The following CEACAM19 variants were observed in gnomAD, a reference collection of about 807,000 sequenced individuals.
CEACAM19 encodes CEA cell adhesion molecule 19.
In CEACAM19, 37 loss-of-function variants were observed where a neutral mutation model predicts 37.6. The observed-to-expected ratio is 0.98, with a 90% confidence interval of 0.76 to 1.29. The LOEUF (loss-of-function observed/expected upper bound fraction) is 1.29. Among genes scored for constraint, CEACAM19 ranks in the 50% most tolerant of loss-of-function variants. CEACAM19 has a pLI of 0.00. For missense variants in CEACAM19, 340 were observed against 375.6 expected (o/e 0.91, Z 0.78); for synonymous variants, 140 against 149.8 (o/e 0.93, Z 0.48).
intron 5 of CEACAM19, 114 bp from the exon 6 acceptor site, chr19:44,681,113 G>T: frequency 1.3e-6 from 1 of 743,172 alleles, no homozygotes; most frequent in Admixed American, 2.2e-5. Flanking sequence ...TTGGCTAGAA[G>T]AAGCGTTTGC....
chr19:44,680,238 C>G lies in CEACAM19; in HGVS notation c.660-50C>G, dbSNP rs113730599. The G allele has an allele frequency of 1.1e-3, 1,678 of 1,492,486 alleles. 1 individual carries two copies. The highest frequency in any genetic ancestry group is 1.4e-3 in the Non-Finnish European group (1,526 of 1,077,042). The allele number at this position is 1,492,486 out of a possible 1,614,324, so 92.5% of individuals were successfully genotyped here. ...AGCTTCTCTTAAGTCTCTCTCCCCCCGCCTGAGTGTCTCTCTATCCTAATA... is the reference window on the plus strand; with the variant it reads ...AGCTTCTCTTAAGTCTCTCTCCCCCGGCCTGAGTGTCTCTCTATCCTAATA... On this transcript the variant is annotated intron_variant, in intron 4 of 7. Transcript: ENST00000358777.
intron 2 of CEACAM19, among the ~76,000 whole-genome samples, chr19:44,674,268 G>A (rs1973907393): frequency 6.6e-6 from 1 of 150,998 alleles, no homozygotes; most frequent in East Asian, 1.9e-4. Flanking sequence ...GCTTGTGGGA[G>A]GTGATTAGAT....
chr19:44,669,724 T>C (rs1431769211), upstream of CEACAM19, among the ~76,000 whole-genome samples: 1 of 152,092 alleles, frequency 6.6e-6, no homozygotes, highest in Admixed American at 6.6e-5. Flanking sequence ...ATTTCTACTC[T>C]TACTCCAGGT....
chr19:44,668,045 T>C (rs1973768632), upstream of CEACAM19, among the ~76,000 whole-genome samples: 1 of 86,770 alleles, frequency 1.2e-5, no homozygotes, highest in South Asian at 3.7e-4. Context: ...TATTTATATG[T>C]TTATGTATAT....
intron 5 of CEACAM19, among the ~76,000 whole-genome samples, chr19:44,680,812 G>A (rs1157735045): frequency 1.3e-5 from 2 of 152,112 alleles, no homozygotes; most frequent in South Asian, 4.2e-4. Flanking sequence ...CACAGTTTCT[G>A]AAACACAGCT....
intron 2 of CEACAM19, among the ~76,000 whole-genome samples, chr19:44,674,934 C>T (rs1421880485): frequency 2.0e-5 from 3 of 152,128 alleles, no homozygotes; most frequent in African/African-American, 7.2e-5. Flanking sequence ...CCTTTGGAAG[C>T]TGCACAGCAT....
chr19:44,668,798 A>C (rs1371509769), upstream of CEACAM19, among the ~76,000 whole-genome samples: 2 of 78,686 alleles, frequency 2.5e-5, no homozygotes, highest in African/African-American at 9.1e-5. Context: ...AATATATATT[A>C]TATATAAAAT....
At chr19:44,682,531 G>A (rs1030902700) in intron 6 of CEACAM19, 36 bp from the exon 7 acceptor site, 6 of 1,563,114 alleles carry the variant, frequency 3.8e-6, no homozygotes, top group African/African-American at 2.7e-5. Context: ...GGTGGGGGGT[G>A]CCGAGCGCCC....
chr19:44,667,668 A>AAATATATATTATATATATAAATATAT (rs1568511991), upstream of CEACAM19, among the ~76,000 whole-genome samples: 2 of 82,890 alleles, frequency 2.4e-5, no homozygotes, highest in Non-Finnish European at 4.4e-5. Context: ...ATATAAATAT[A>AAATATATATTATATATATAAATATAT]AATATATATT....
upstream of CEACAM19, chr19:44,667,282 T>G (rs1973729767): frequency 6.6e-6 from 1 of 151,284 alleles, no homozygotes; most frequent in African/African-American, 2.4e-5. Flanking sequence ...TGGACCTCAC[T>G]GGGTAGAAAT....
upstream of CEACAM19, among the ~76,000 whole-genome samples, chr19:44,668,460 TAA>T (rs1272956807): frequency 1.5e-5 from 1 of 67,456 alleles, no homozygotes; most frequent in East Asian, 4.9e-4. Flanking sequence ...TTATAATATA[TAA>T]TATATATAAT....
At chr19:44,676,240 C>A (rs1011624027) in intron 2 of CEACAM19, 31 bp from the exon 3 acceptor site, 1 of 1,610,680 alleles carries the variant, frequency 6.2e-7, no homozygotes, top group South Asian at 1.1e-5. Context: ...CGCACAGTCC[C>A]CCCTCTCTCT....
At chr19:44,682,862 G>A (rs768662123) in intron 7 of CEACAM19, 56 of 467,258 alleles carry the variant, frequency 1.2e-4, no homozygotes, top group Non-Finnish European at 1.8e-4. Context: ...CCTTGAACTT[G>A]CACAGGAGGA....
chr19:44,673,545 G>A (rs563019895), intron 2 of CEACAM19, among the ~76,000 whole-genome samples: 7 of 152,320 alleles, frequency 4.6e-5, no homozygotes, highest in African/African-American at 1.7e-4. Context: ...CTAGGTACCA[G>A]TAGCAGCTTC....
chr19:44,667,897 TA>T (rs1455163597), upstream of CEACAM19, among the ~76,000 whole-genome samples: 1 of 73,166 alleles, frequency 1.4e-5, no homozygotes, highest in Non-Finnish European at 2.2e-5. Flanking sequence ...AAATTATATA[TA>T]ATATATAAAA....
intron 6 of CEACAM19, among the ~76,000 whole-genome samples, chr19:44,681,930 CA>C (rs59949356): frequency 0.045 from 5,966 of 132,642 alleles, 313 homozygotes; most frequent in African/African-American, 0.13. Flanking sequence ...GACTCCATCC[CA>C]AAAAAAAAAA....
chr19:44,668,003 AGATT>A (rs1408875803), upstream of CEACAM19, among the ~76,000 whole-genome samples: 2 of 36 alleles, frequency 0.056, no homozygotes, highest in Non-Finnish European at 0.091. Context: ...ATATTTATAT[AGATT>A]TATATTATTT....
At chr19:44,670,777 T>C (rs1599785358), upstream of CEACAM19, among the ~76,000 whole-genome samples, 2 of 86,834 alleles carry the variant, frequency 2.3e-5, no homozygotes, top group Admixed American at 1.7e-4. Context: ...AGACCCTGTC[T>C]CAAGAAAAAA....
intron 4 of CEACAM19, 123 bp from the exon 5 acceptor site, chr19:44,680,165 A>G (rs1974028865): frequency 7.0e-6 from 5 of 717,712 alleles, no homozygotes; most frequent in Non-Finnish European, 1.2e-5. Flanking sequence ...ATCCTAGCTC[A>G]CTCTGAAGGA....
Sources: gnomAD v4.1 joint callset for allele counts (sites outside exome capture counted in the v4.1 genomes callset) on GRCh38, gnomAD v4.1.1 for gene constraint, MANE v1.5 for transcripts, NCBI Gene and HGNC (gene_info 2026-07-23, HGNC 2026-07-21) for gene names.